RYR3: variants seen among roughly 807,000 people sequenced by gnomAD.
RYR3 encodes ryanodine receptor 3, also known as brain ryanodine receptor-calcium release channel.
A neutral mutation model predicts 584.3 loss-of-function variants in RYR3; 207 were observed. The observed-to-expected ratio is 0.35, with a 90% CI of 0.32 to 0.40. The LOEUF (loss-of-function observed/expected upper bound fraction) is 0.40, where lower values mean the gene tolerates loss of function less well. Ranked by LOEUF, RYR3 falls within the 10% of genes least tolerant of loss-of-function variation. The pLI is 1.00. For missense variants in RYR3, 5,616 were observed against 6,089.2 expected (o/e 0.92, Z 2.59); for synonymous variants, 2,416 against 2,248.5 (o/e 1.07, Z -2.11).
chr15:33,471,838 A>G (rs1298545812), intron 1 of RYR3, among the ~76,000 whole-genome samples: 3 of 152,052 alleles, frequency 2.0e-5, no homozygotes, highest in Admixed American at 1.3e-4. Context: ...CTGCTTTCCA[A>G]CACAAACAGC....
chr15:33,437,716 C>T (rs1044654399), intron 1 of RYR3, among the ~76,000 whole-genome samples: 2 of 152,118 alleles, frequency 1.3e-5, no homozygotes, highest in Admixed American at 6.5e-5. Flanking sequence ...TCTCTAATAC[C>T]ACATTATCCT....
chr15:33,449,389 C>T (rs2141957902), intron 1 of RYR3, among the ~76,000 whole-genome samples: 1 of 152,260 alleles, frequency 6.6e-6, no homozygotes, highest in South Asian at 2.1e-4. Flanking sequence ...ATGTGAAACT[C>T]ACAGTCTCCT....
intron 1 of RYR3, among the ~76,000 whole-genome samples, chr15:33,425,932 G>A (rs1021579411): frequency 1.7e-4 from 26 of 152,230 alleles, no homozygotes; most frequent in Admixed American, 2.6e-4. Flanking sequence ...ATGAGCCACC[G>A]CGCCTGGACT....
intron 27 of RYR3, among the ~76,000 whole-genome samples, chr15:33,636,772 CAGAT>C (rs1248980008): frequency 1.3e-5 from 2 of 152,192 alleles, no homozygotes; most frequent in African/African-American, 4.8e-5. Context: ...TCTGAACTCT[CAGAT>C]AGGTTAACCA....
At chr15:33,817,937 GTTAT>G (rs1302474905) in intron 75 of RYR3, among the ~76,000 whole-genome samples, 4 of 152,162 alleles carry the variant, frequency 2.6e-5, no homozygotes, top group Non-Finnish European at 5.9e-5. Context: ...GACATTAGCT[GTTAT>G]TTCTCTTTCC....
At chr15:33,490,001 C>T (rs947038670) in intron 2 of RYR3, among the ~76,000 whole-genome samples, 1 of 152,096 alleles carries the variant, frequency 6.6e-6, no homozygotes, top group African/African-American at 2.4e-5. Flanking sequence ...CATTTTGAAC[C>T]ATTTGCAAAC....
Position 33,861,148 on chromosome 15 carries a change from C to T in RYR3, c.14435C>T (p.Thr4812Ile). 1.3e-6 allele frequency: 2 copies of T among 1,595,572 alleles called. No homozygotes were observed. The highest frequency in any genetic ancestry group is 1.7e-6 in the Non-Finnish European group (2 of 1,169,978). The change falls in exon 102 of 104, where the codon ACA (threonine) becomes ATA (isoleucine). Residue 4812 changes from threonine to isoleucine, a missense_variant. Transcript: ENST00000634891. ...DTTPHGFETHTLQEHNLANYL... is the reference protein window; with the variant it reads ...DTTPHGFETHILQEHNLANYL... ...ACCCCTCATGGTTTTGAAACACATA[C>T]ATTACAAGAGCACAACTTAGCCAAC...
chr15:33,504,738 C>G (rs936671537), intron 3 of RYR3, among the ~76,000 whole-genome samples: 2 of 152,190 alleles, frequency 1.3e-5, no homozygotes, highest in East Asian at 3.9e-4. Flanking sequence ...TCACCACATC[C>G]CACCAAGTAC....
intron 1 of RYR3, among the ~76,000 whole-genome samples, chr15:33,392,163 A>G (rs530775610): frequency 1.3e-5 from 2 of 149,436 alleles, no homozygotes; most frequent in East Asian, 4.1e-4. Context: ...TTGCATCCCT[A>G]GAACCTAGCA....
At chr15:33,635,555 A>G (rs1291080107) in intron 25 of RYR3, 59 bp from the exon 26 acceptor site, 1 of 1,305,474 alleles carries the variant, frequency 7.7e-7, no homozygotes, top group Non-Finnish European at 1.1e-6. Flanking sequence ...CTAATTATTG[A>G]AGGTCTACGT....
At chr15:33,493,041 A>G (rs1014019095) in intron 2 of RYR3, among the ~76,000 whole-genome samples, 1 of 152,144 alleles carries the variant, frequency 6.6e-6, no homozygotes, top group Non-Finnish European at 1.5e-5. Context: ...GGGAGAGGCA[A>G]AGCTCATTTG....
intron 3 of RYR3, among the ~76,000 whole-genome samples, chr15:33,520,638 A>G (rs931018411): frequency 3.3e-5 from 5 of 152,244 alleles, no homozygotes; most frequent in Non-Finnish European, 7.3e-5. Context: ...TCCAAAGCAT[A>G]CTTGTCATCA....
At chr15:33,411,117 C>G (rs2043375173) in intron 1 of RYR3, among the ~76,000 whole-genome samples, 1 of 152,176 alleles carries the variant, frequency 6.6e-6, no homozygotes, top group Non-Finnish European at 1.5e-5. Context: ...GCCACCCTCC[C>G]TCCTTGGCTG....
At chr15:33,802,147 T>C (rs914850743) in intron 69 of RYR3, 186 bp downstream of exon 69, 15 of 740,480 alleles carry the variant, frequency 2.0e-5, no homozygotes, top group Non-Finnish European at 3.8e-5. Context: ...AGCATGGTCA[T>C]CACATTTTAT....
At chr15:33,393,719 C>G (rs777090722) in intron 1 of RYR3, among the ~76,000 whole-genome samples, 1 of 152,178 alleles carries the variant, frequency 6.6e-6, no homozygotes, top group Non-Finnish European at 1.5e-5. Context: ...CTCAGAGCCG[C>G]TATTGGATGC....
chr15:33,780,810 G>C (rs1186719949), intron 65 of RYR3, among the ~76,000 whole-genome samples: 2 of 152,178 alleles, frequency 1.3e-5, no homozygotes, highest in African/African-American at 4.8e-5. Flanking sequence ...ATAAGACATA[G>C]AAAAGCACCA....
chr15:33,694,509 G>T (rs2065694921), intron 38 of RYR3, among the ~76,000 whole-genome samples: 1 of 152,068 alleles, frequency 6.6e-6, no homozygotes, highest in Non-Finnish European at 1.5e-5. Flanking sequence ...CTCCCAAAGT[G>T]CTGGGATTAC....
chr15:33,718,096 C>T (rs2067635582), intron 43 of RYR3, among the ~76,000 whole-genome samples: 2 of 152,282 alleles, frequency 1.3e-5, no homozygotes, highest in Middle Eastern at 3.4e-3. Flanking sequence ...CCCTGTGATT[C>T]TCTAAATTAA....
intron 3 of RYR3, among the ~76,000 whole-genome samples, chr15:33,521,406 T>C (rs181589722): frequency 5.3e-5 from 8 of 152,228 alleles, no homozygotes; most frequent in East Asian, 3.9e-4. Flanking sequence ...AAAAAGGAGA[T>C]TGCGCCACCT....
Sources: gnomAD v4.1 joint callset for allele counts (sites outside exome capture counted in the v4.1 genomes callset) on GRCh38, gnomAD v4.1.1 for gene constraint, MANE v1.5 for transcripts, NCBI Gene and HGNC (gene_info 2026-07-23, HGNC 2026-07-21) for gene names.